The following ADK variants were observed in gnomAD, a reference collection of about 807,000 sequenced individuals.
ADK encodes N6,N6-dimethyladenosine kinase.
In ADK, 24 loss-of-function variants were observed where a neutral mutation model predicts 44.7. The observed-to-expected ratio is 0.54, with a 90% CI of 0.39 to 0.76. The LOEUF is 0.76. Among genes scored for constraint, ADK ranks in the 30% least tolerant of loss-of-function variants. The probability of loss-of-function intolerance (pLI) is 0.00; values close to 1 mark genes in which losing one functional copy is unlikely to be tolerated. For missense variants in ADK, 321 were observed against 425.1 expected, an observed-to-expected ratio of 0.76 and a Z score of 2.15; for synonymous variants, 128 against 142.6, an observed-to-expected ratio of 0.90 and a Z score of 0.73.
chr10:74,280,475 A>C (rs1260377018), intron 3 of ADK, among the ~76,000 whole-genome samples: 1 of 144,456 alleles, frequency 6.9e-6, no homozygotes, highest in African/African-American at 2.6e-5. Flanking sequence ...CTTGCCTTGT[A>C]GCCCAGGCTG....
At chr10:74,459,579 A>G (rs530888410) in intron 6 of ADK, among the ~76,000 whole-genome samples, 2 of 151,674 alleles carry the variant, frequency 1.3e-5, no homozygotes, top group Non-Finnish European at 2.9e-5. Context: ...AAATACAAAA[A>G]TTACCTGGGC....
chr10:74,472,527 C>G (rs1317585424), intron 6 of ADK, among the ~76,000 whole-genome samples: 2 of 152,142 alleles, frequency 1.3e-5, no homozygotes, highest in Non-Finnish European at 2.9e-5. Context: ...TTACATTTGT[C>G]TCATATAATG....
intron 7 of ADK, among the ~76,000 whole-genome samples, chr10:74,547,628 C>T (rs1257916521): frequency 1.0e-4 from 15 of 144,332 alleles, no homozygotes; most frequent in Admixed American, 6.2e-4. Context: ...AATACAGGCG[C>T]GCACCACCAT....
rs1856698279 is a variant in ADK, at chr10:74,708,965, A to C, written c.*520A>C. On this transcript the variant is annotated 3_prime_UTR_variant, in exon 11 of 11. Transcript: ENST00000539909. ...TAAGGTACAGAAATTTTATCTTGTC[A>C]ATTATGCCAAATAATCTCTTTAATG... 6.4e-6 allele frequency: 1 copy of C among 155,636 alleles called. No homozygotes were observed. Among genetic ancestry groups the C allele is most frequent in the South Asian group, 1.9e-4 (1 of 5,194 alleles). 9.6% of individuals were successfully genotyped at this position (155,636 alleles called of 1,614,324 possible).
At chr10:74,660,729 C>CA (rs747443907) in intron 9 of ADK, among the ~76,000 whole-genome samples, 67,675 of 92,774 alleles carry the variant, frequency 0.73, 24,798 homozygotes, top group Middle Eastern at 0.85. Flanking sequence ...GACCCTGTCT[C>CA]AAAAAAAAAA....
chr10:74,322,831 C>T (rs936868785), intron 4 of ADK, among the ~76,000 whole-genome samples: 8 of 151,718 alleles, frequency 5.3e-5, no homozygotes, highest in Admixed American at 5.3e-4. Flanking sequence ...TCCTACCCTT[C>T]CTCTTCCCTC....
chr10:74,689,605 G>A (rs1855913390), intron 10 of ADK, among the ~76,000 whole-genome samples: 1 of 152,198 alleles, frequency 6.6e-6, no homozygotes, highest in African/African-American at 2.4e-5. Context: ...TAATTCAGCA[G>A]ATAATAGAAC....
chr10:74,551,458 T>C (rs1850033417), intron 7 of ADK: 1 of 152,606 alleles, frequency 6.6e-6, no homozygotes, highest in Admixed American at 6.5e-5. Flanking sequence ...TCTTTGTTCC[T>C]TCTCCACTTC....
chr10:74,488,473 A>AT (rs1159150489), intron 6 of ADK, among the ~76,000 whole-genome samples: 1 of 150,090 alleles, frequency 6.7e-6, no homozygotes, highest in Non-Finnish European at 1.5e-5. Flanking sequence ...ACTACTCTCA[A>AT]TTTTTTCTAT....
At chr10:74,348,521 C>G (rs1432548137) in intron 4 of ADK, among the ~76,000 whole-genome samples, 1 of 152,004 alleles carries the variant, frequency 6.6e-6, no homozygotes, top group African/African-American at 2.4e-5. Flanking sequence ...AACCAGAATG[C>G]CTCTTTGCCT....
At chr10:74,404,762 G>T (rs796609732) in intron 6 of ADK, among the ~76,000 whole-genome samples, 8 of 152,266 alleles carry the variant, frequency 5.3e-5, no homozygotes, top group African/African-American at 1.9e-4. Flanking sequence ...CAAGATGGGA[G>T]GATGGCTTTT....
chr10:74,369,822 A>T (rs1490401924), intron 4 of ADK, among the ~76,000 whole-genome samples: 1 of 152,198 alleles, frequency 6.6e-6, no homozygotes, highest in Non-Finnish European at 1.5e-5. Context: ...GTGCTTCTAG[A>T]TTAAAAAACA....
intron 3 of ADK, among the ~76,000 whole-genome samples, chr10:74,253,785 T>TA (rs34960972): frequency 3.3e-5 from 5 of 150,266 alleles, no homozygotes; most frequent in Admixed American, 6.7e-5. Flanking sequence ...TTTTTTTTTT[T>TA]AAGATGGAGT....
chr10:74,326,776 A>C (rs1841034858), intron 4 of ADK, among the ~76,000 whole-genome samples: 1 of 151,946 alleles, frequency 6.6e-6, no homozygotes, highest in Non-Finnish European at 1.5e-5. Flanking sequence ...ATTTTGGTAG[A>C]TTATATATAT....
chr10:74,358,590 C>T (rs1009300335), intron 4 of ADK, among the ~76,000 whole-genome samples: 13 of 152,292 alleles, frequency 8.5e-5, no homozygotes, highest in Admixed American at 1.3e-4. Context: ...TCCATACCCA[C>T]GTAAGTAGAT....
At chr10:74,627,464 G>T (rs1220802942) in intron 9 of ADK, among the ~76,000 whole-genome samples, 1 of 151,978 alleles carries the variant, frequency 6.6e-6, no homozygotes, top group Non-Finnish European at 1.5e-5. Flanking sequence ...GGGTGACAGA[G>T]TGAGACCCTG....
At chr10:74,691,995 A>G (rs1856005597) in intron 10 of ADK, among the ~76,000 whole-genome samples, 1 of 152,244 alleles carries the variant, frequency 6.6e-6, no homozygotes, top group South Asian at 2.1e-4. Flanking sequence ...CTTTTACCAT[A>G]TGATCTAGCG....
chr10:74,563,763 A>G (rs1000630542), intron 7 of ADK, among the ~76,000 whole-genome samples: 3 of 152,226 alleles, frequency 2.0e-5, no homozygotes, highest in Admixed American at 6.5e-5. Flanking sequence ...CTTGAAAGCC[A>G]CTGTGTTAGT....
At chr10:74,339,623 G>A (rs1841520644) in intron 4 of ADK, among the ~76,000 whole-genome samples, 1 of 152,094 alleles carries the variant, frequency 6.6e-6, no homozygotes, top group Non-Finnish European at 1.5e-5. Flanking sequence ...TTTTACAGAT[G>A]CAAAAAGTGA....
Sources: allele counts gnomAD v4.1 joint callset (sites outside exome capture counted in the v4.1 genomes callset), GRCh38; gene constraint gnomAD v4.1.1; transcripts MANE v1.5; gene names NCBI Gene and HGNC (gene_info 2026-07-23, HGNC 2026-07-21).